The following CCDC171 variants were observed in gnomAD, a reference collection of about 807,000 sequenced individuals.
CCDC171 encodes the protein coiled-coil domain containing 171.
In CCDC171, 177 loss-of-function variants were observed where a neutral mutation model predicts 168.2. The observed-to-expected ratio is 1.05, with a 90% CI of 0.93 to 1.19. CCDC171 has a LOEUF of 1.19. CCDC171 is among the 50% of genes most tolerant of loss of function. CCDC171 has a pLI of 0.00. For synonymous variants in CCDC171, 687 were observed against 540.8 expected (o/e 1.27, Z -3.75); for missense variants, 1,991 against 1,539.0 (o/e 1.29, Z -4.91).
intron 7 of CCDC171, among the ~76,000 whole-genome samples, chr9:15,646,481 A>C (rs950782844): frequency 3.3e-5 from 5 of 152,230 alleles, no homozygotes; most frequent in East Asian, 3.9e-4. Context: ...TTCAAGACCC[A>C]TCAGTGTGCT....
chr9:16,059,874 T>C (rs1193934214), intron 1 of CCDC171, among the ~76,000 whole-genome samples: 2 of 152,048 alleles, frequency 1.3e-5, no homozygotes, highest in African/African-American at 2.4e-5. Context: ...GAGTCAGTAT[T>C]ACCCAAGCTC....
Position 15,695,223 on chromosome 9 carries a change from C to A in CCDC171, c.1216-12C>A. 1 of 1,599,984 alleles carries A rather than the reference C, an allele frequency of 6.3e-7. No homozygotes were observed. Among genetic ancestry groups the A allele is most frequent in the Non-Finnish European group, 8.6e-7 (1 of 1,168,272 alleles). ...ACGTGACCTTATGTGTAATTTTTTT[C>A]TTAATTAAAAGGCTAAGAAGCACCA... On this transcript the variant is annotated splice_polypyrimidine_tract_variant and intron_variant, in intron 10 of 25. Transcript: ENST00000380701.
chr9:15,577,876 A>C (rs553056231), intron 3 of CCDC171, among the ~76,000 whole-genome samples: 4 of 152,340 alleles, frequency 2.6e-5, no homozygotes, highest in South Asian at 2.1e-4. Flanking sequence ...AAAGGCAGAA[A>C]TAACTTGGCA....
intron 21 of CCDC171, among the ~76,000 whole-genome samples, chr9:15,843,287 G>T (rs534300033): frequency 6.6e-6 from 1 of 152,156 alleles, no homozygotes; most frequent in Non-Finnish European, 1.5e-5. Flanking sequence ...GATTTAAAAG[G>T]AAAACTGGAA....
At chr9:15,943,660 T>C (rs1827970896) in intron 25 of CCDC171, among the ~76,000 whole-genome samples, 2 of 152,120 alleles carry the variant, frequency 1.3e-5, no homozygotes, top group South Asian at 4.1e-4. Flanking sequence ...ATCAATAAAT[T>C]ATCTTCCCTT....
At chr9:15,591,617 A>G (rs1564002518) in intron 5 of CCDC171, 61 bp downstream of exon 5, 1 of 917,136 alleles carries the variant, frequency 1.1e-6, no homozygotes, top group Non-Finnish European at 1.7e-6. Context: ...TGTGTTGTAC[A>G]TTACTTGAAG....
chr9:15,594,289 T>C, intron 6 of CCDC171, 117 bp downstream of exon 6: 1 of 620,384 alleles, frequency 1.6e-6, no homozygotes, highest in Non-Finnish European at 2.7e-6. Context: ...GTTTTGATTC[T>C]GGAAGGCCAC....
intron 6 of CCDC171, among the ~76,000 whole-genome samples, chr9:16,034,674 G>A (rs766138733): frequency 1.3e-5 from 2 of 152,218 alleles, no homozygotes; most frequent in Admixed American, 6.5e-5. Context: ...TCACCACTGT[G>A]ATGGACACTG....
chr9:15,572,405 C>T (rs745331691), intron 3 of CCDC171, among the ~76,000 whole-genome samples: 1 of 152,124 alleles, frequency 6.6e-6, no homozygotes, highest in Non-Finnish European at 1.5e-5. Flanking sequence ...TTACACAGAG[C>T]TCAATTTATT....
At chr9:15,701,274 T>G (rs1451033145) in intron 11 of CCDC171, among the ~76,000 whole-genome samples, 1 of 152,236 alleles carries the variant, frequency 6.6e-6, no homozygotes, top group Admixed American at 6.5e-5. Context: ...TTTTTGTTTT[T>G]GTTGCCTGTG....
At chr9:16,063,541 AT>A (rs1564141210), downstream of CCDC171, among the ~76,000 whole-genome samples, 1 of 152,194 alleles carries the variant, frequency 6.6e-6, no homozygotes, top group Non-Finnish European at 1.5e-5. Flanking sequence ...TTTCATTTGC[AT>A]TGGTTTACTC....
intron 21 of CCDC171, among the ~76,000 whole-genome samples, chr9:15,820,513 C>G (rs1331030208): frequency 8.5e-6 from 1 of 117,024 alleles, no homozygotes; most frequent in East Asian, 2.1e-4. Flanking sequence ...GATATCACCA[C>G]CGATCCCACA....
At chr9:15,717,226 T>C (rs1040247141) in intron 11 of CCDC171, among the ~76,000 whole-genome samples, 3 of 152,162 alleles carry the variant, frequency 2.0e-5, no homozygotes, top group African/African-American at 2.4e-5. Flanking sequence ...AGCTCAGTGA[T>C]GCCCTGTCAC....
chr9:15,799,816 C>T (rs942631031), intron 21 of CCDC171, among the ~76,000 whole-genome samples: 1 of 151,974 alleles, frequency 6.6e-6, no homozygotes, highest in Non-Finnish European at 1.5e-5. Flanking sequence ...TACTGTCTAT[C>T]TCCATGAGTT....
intron 1 of CCDC171, among the ~76,000 whole-genome samples, chr9:16,043,758 T>A (rs938945687): frequency 2.6e-5 from 4 of 152,234 alleles, no homozygotes; most frequent in Non-Finnish European, 5.9e-5. Flanking sequence ...CTAAGCTATC[T>A]GTCCATCTCA....
intron 24 of CCDC171, among the ~76,000 whole-genome samples, chr9:15,907,538 T>C (rs1010416708): frequency 2.0e-5 from 3 of 151,996 alleles, no homozygotes; most frequent in African/African-American, 7.2e-5. Context: ...AATGTTAGAT[T>C]TAAAACCATA....
intron 10 of CCDC171, among the ~76,000 whole-genome samples, chr9:15,680,655 G>A (rs886670562): frequency 6.6e-6 from 1 of 152,128 alleles, no homozygotes; most frequent in African/African-American, 2.4e-5. Flanking sequence ...TTTTGAATGT[G>A]ATGTTTTAGA....
At chr9:15,647,891 A>C (rs1156854924) in intron 7 of CCDC171, among the ~76,000 whole-genome samples, 1 of 152,208 alleles carries the variant, frequency 6.6e-6, no homozygotes, top group Non-Finnish European at 1.5e-5. Flanking sequence ...TCCCTAACTC[A>C]TTTTATGAGG....
At chr9:16,079,163 C>T in the CCDC171 span, among the ~76,000 whole-genome samples, 2 of 152,194 alleles carry the variant, frequency 1.3e-5, no homozygotes, top group African/African-American at 4.8e-5. Context: ...AGCAGATCCT[C>T]AGCTGGCTGC....
Sources: allele counts gnomAD v4.1 joint callset (sites outside exome capture counted in the v4.1 genomes callset), GRCh38; gene constraint gnomAD v4.1.1; transcripts MANE v1.5; gene names NCBI Gene and HGNC (gene_info 2026-07-23, HGNC 2026-07-21).